The following GALNT13 variants were observed in gnomAD, a reference collection of about 807,000 sequenced individuals.
GALNT13 encodes the protein polypeptide N-acetylgalactosaminyltransferase 13.
In GALNT13, 28 loss-of-function variants were observed where a neutral mutation model predicts 64.2. The observed-to-expected ratio is 0.44, with a 90% CI of 0.32 to 0.60. The LOEUF is 0.60. GALNT13 is among the 20% of genes least tolerant of loss of function. The probability of loss-of-function intolerance (pLI) is 0.05; values close to 1 mark genes in which losing one functional copy is unlikely to be tolerated. For synonymous variants in GALNT13, 214 were observed against 224.6 expected (o/e 0.95, Z 0.42); for missense variants, 577 against 669.8 (o/e 0.86, Z 1.53).
At chr2:153,857,412 C>T in the GALNT13 span, among the ~76,000 whole-genome samples, 2 of 151,992 alleles carry the variant, frequency 1.3e-5, no homozygotes, top group African/African-American at 4.8e-5. Context: ...TAATGAAAGT[C>T]ACTGTAATTT....
At chr2:153,680,404 A>G in the GALNT13 span, among the ~76,000 whole-genome samples, 26 of 152,026 alleles carry the variant, frequency 1.7e-4, no homozygotes, top group African/African-American at 6.3e-4. Context: ...CAAAAACAGA[A>G]GACAATAAAT....
At chr2:154,184,894 C>A (rs1376850468) in intron 4 of GALNT13, among the ~76,000 whole-genome samples, 2 of 152,140 alleles carry the variant, frequency 1.3e-5, no homozygotes, top group East Asian at 3.9e-4. Context: ...GATTTATATA[C>A]CACCATTAGA....
the GALNT13 span, among the ~76,000 whole-genome samples, chr2:153,742,834 C>T: frequency 6.6e-6 from 1 of 151,846 alleles, no homozygotes; most frequent in Non-Finnish European, 1.5e-5. Context: ...TGAACACTTA[C>T]ATTGATTTCA....
At chr2:153,547,077 A>G in the GALNT13 span, among the ~76,000 whole-genome samples, 2 of 152,366 alleles carry the variant, frequency 1.3e-5, no homozygotes, top group Admixed American at 1.3e-4. Flanking sequence ...TACAAGATGG[A>G]TGAAGTAGAA....
the GALNT13 span, among the ~76,000 whole-genome samples, chr2:153,697,303 G>T: frequency 7.2e-5 from 11 of 152,172 alleles, no homozygotes; most frequent in East Asian, 2.1e-3. Context: ...TGTTTTCTTT[G>T]GTTATGAATT....
At chr2:154,343,409 A>G (rs1322589359) in intron 9 of GALNT13, among the ~76,000 whole-genome samples, 1 of 152,084 alleles carries the variant, frequency 6.6e-6, no homozygotes, top group East Asian at 1.9e-4. Flanking sequence ...ACACATTAGG[A>G]AAATTTTCAA....
the GALNT13 span, among the ~76,000 whole-genome samples, chr2:153,293,653 A>C: frequency 6.6e-6 from 1 of 152,212 alleles, no homozygotes; most frequent in Non-Finnish European, 1.5e-5. Context: ...CTAATTCATC[A>C]TTGTAGCAAT....
At chr2:154,222,011 G>A (rs964387321) in intron 4 of GALNT13, among the ~76,000 whole-genome samples, 2 of 151,974 alleles carry the variant, frequency 1.3e-5, no homozygotes, top group African/African-American at 4.8e-5. Context: ...GTTATATTAG[G>A]AAAAACTTAA....
At chr2:154,085,004 A>G (rs13032096) in intron 3 of GALNT13, among the ~76,000 whole-genome samples, 2 of 151,896 alleles carry the variant, frequency 1.3e-5, no homozygotes, top group Admixed American at 1.3e-4. Context: ...CATGTTCCCA[A>G]GAACTTAATT....
chr2:153,155,471 ATTTATCTATTTCTT>A, the GALNT13 span, among the ~76,000 whole-genome samples: 1 of 152,108 alleles, frequency 6.6e-6, no homozygotes, highest in South Asian at 2.1e-4. Context: ...GTATCCAGGA[ATTTATCTATTTCTT>A]CCAGATTTTC....
At chr2:153,605,950 T>C in the GALNT13 span, among the ~76,000 whole-genome samples, 1 of 152,020 alleles carries the variant, frequency 6.6e-6, no homozygotes, top group Non-Finnish European at 1.5e-5. Flanking sequence ...TGTGAGATGC[T>C]GTGAGGGTCC....
chr2:153,136,606 A>G, the GALNT13 span, among the ~76,000 whole-genome samples: 1 of 152,088 alleles, frequency 6.6e-6, no homozygotes. Context: ...GTACTTCAAA[A>G]AGTAGGTTTC....
rs190865582 is a variant in GALNT13 at position 154,291,575 on chromosome 2, G to A, written c.976-9834G>A. 5.3e-3 allele frequency among the ~76,000 whole-genome samples: 806 copies of A among 152,320 alleles called. 33 individuals are homozygous for A. Among genetic ancestry groups the A allele is most frequent in the Admixed American group, 0.039 (603 of 15,304 alleles). The stretch of plus-strand genomic sequence containing the variant: ...TGTCCCCCAGTCAAGCCCAGCAGGT[G>A]CTGGCCGGCCACGCTGGGTGCGGGG... On this transcript the variant is annotated intron_variant, in intron 8 of 12. Coordinates refer to ENST00000392825, the MANE Select transcript of GALNT13 (RefSeq NM_052917.4).
the GALNT13 span, among the ~76,000 whole-genome samples, chr2:153,126,315 TA>T: frequency 4.0e-5 from 1 of 24,818 alleles, no homozygotes; most frequent in African/African-American, 9.4e-5. Flanking sequence ...TATATATATA[TA>T]TATATATATA....
intron 3 of GALNT13, among the ~76,000 whole-genome samples, chr2:154,063,769 G>T (rs1349038083): frequency 6.6e-6 from 1 of 152,076 alleles, no homozygotes; most frequent in East Asian, 1.9e-4. Flanking sequence ...AAAAGCAAGA[G>T]GTTTTTTGCA....
the GALNT13 span, among the ~76,000 whole-genome samples, chr2:153,161,902 A>G: frequency 6.6e-6 from 1 of 152,206 alleles, no homozygotes. Context: ...ATCTAAGCAT[A>G]TGGAAAGAAT....
intron 2 of GALNT13, among the ~76,000 whole-genome samples, chr2:153,933,650 G>T (rs989802781): frequency 7.2e-5 from 11 of 152,026 alleles, no homozygotes; most frequent in Non-Finnish European, 1.5e-4. Flanking sequence ...AGCTTGTTAT[G>T]TAAACTTGAT....
intron 3 of GALNT13, among the ~76,000 whole-genome samples, chr2:154,137,560 C>A (rs1241556056): frequency 6.6e-6 from 1 of 152,090 alleles, no homozygotes; most frequent in African/African-American, 2.4e-5. Context: ...GGCACAATTA[C>A]TCCTGCTACC....
the GALNT13 span, among the ~76,000 whole-genome samples, chr2:153,642,118 C>T: frequency 1.3e-5 from 2 of 151,848 alleles, no homozygotes; most frequent in African/African-American, 2.4e-5. Context: ...TACCTTAAAA[C>T]CTGGATTTTC....
Sources: gnomAD v4.1 joint callset for allele counts (sites outside exome capture counted in the v4.1 genomes callset) on GRCh38, gnomAD v4.1.1 for gene constraint, MANE v1.5 for transcripts, NCBI Gene and HGNC (gene_info 2026-07-23, HGNC 2026-07-21) for gene names.